SH3GL3: variants seen among roughly 807,000 people sequenced by gnomAD.
SH3GL3 encodes endophilin-A3.
SH3GL3 carries 33 observed loss-of-function variants against 47.7 expected under a neutral mutation model. That is an observed-to-expected ratio of 0.69 (90% CI 0.52 to 0.92). SH3GL3 has a LOEUF of 0.92. Ranked by LOEUF, SH3GL3 falls within the 40% of genes least tolerant of loss-of-function variation. The probability of loss-of-function intolerance (pLI) is 0.00; values close to 1 mark genes in which losing one functional copy is unlikely to be tolerated. For synonymous variants in SH3GL3, 155 were observed against 148.8 expected (o/e 1.04, Z -0.30); for missense variants, 363 against 417.8 (o/e 0.87, Z 1.14).
chr15:83,560,033 A>G (rs1273024205), intron 2 of SH3GL3, among the ~76,000 whole-genome samples: 1 of 152,224 alleles, frequency 6.6e-6, no homozygotes. Flanking sequence ...TGGAGGCAGA[A>G]CTAGAACCAC....
At chr15:83,582,487 C>A (rs1013880281) in intron 6 of SH3GL3, among the ~76,000 whole-genome samples, 7 of 152,016 alleles carry the variant, frequency 4.6e-5, no homozygotes, top group Admixed American at 1.3e-4. Flanking sequence ...TTTGGGAAAC[C>A]CTGGGTTAAA....
At chr15:83,490,888 T>C in intron 1 of SH3GL3, 2 of 1,614,174 alleles carry the variant, frequency 1.2e-6, no homozygotes, top group Non-Finnish European at 1.7e-6. Flanking sequence ...GTGCCTTACC[T>C]GGACCTCCCA....
At chr15:83,561,896 C>T (rs180915191) in intron 2 of SH3GL3, among the ~76,000 whole-genome samples, 1 of 152,244 alleles carries the variant, frequency 6.6e-6, no homozygotes, top group East Asian at 1.9e-4. Flanking sequence ...CCAGACTTAA[C>T]TAACCAAGAT....
intron 2 of SH3GL3, among the ~76,000 whole-genome samples, chr15:83,561,648 C>T (rs2045279491): frequency 6.6e-6 from 1 of 151,992 alleles, no homozygotes; most frequent in Non-Finnish European, 1.5e-5. Flanking sequence ...AGCTGTAAGA[C>T]AACAAACCTC....
the SH3GL3 span, among the ~76,000 whole-genome samples, chr15:83,626,709 G>A: frequency 6.6e-6 from 1 of 152,186 alleles, no homozygotes; most frequent in African/African-American, 2.4e-5. Flanking sequence ...ACTTGGTAGA[G>A]GCTCACAGTG....
chr15:83,604,654 T>C (rs2060470045), intron 8 of SH3GL3, among the ~76,000 whole-genome samples: 1 of 152,150 alleles, frequency 6.6e-6, no homozygotes, highest in South Asian at 2.1e-4. Flanking sequence ...ACTACACTTA[T>C]TGGCTACTTA....
At chr15:83,523,975 C>T (rs1439814313) in intron 1 of SH3GL3, among the ~76,000 whole-genome samples, 1 of 145,426 alleles carries the variant, frequency 6.9e-6, no homozygotes, top group East Asian at 2.0e-4. Flanking sequence ...AAACAGACAG[C>T]AAAAACCCAG....
chr15:83,487,150 G>C (rs1257754946), intron 1 of SH3GL3, among the ~76,000 whole-genome samples: 1 of 151,256 alleles, frequency 6.6e-6, no homozygotes, highest in Non-Finnish European at 1.5e-5. Flanking sequence ...GAGTGGAATT[G>C]CTGGGTTATT....
chr15:83,616,054 A>C (rs563098018), intron 8 of SH3GL3, among the ~76,000 whole-genome samples: 1 of 152,170 alleles, frequency 6.6e-6, no homozygotes, highest in Non-Finnish European at 1.5e-5. Flanking sequence ...GCCAGCACAA[A>C]CTTCAAAAAC....
chr15:83,546,203 T>C (rs2044386206), intron 1 of SH3GL3, among the ~76,000 whole-genome samples: 1 of 150,524 alleles, frequency 6.6e-6, no homozygotes, highest in Non-Finnish European at 1.5e-5. Flanking sequence ...GGAGTCTGCT[T>C]GATGCTTTAC....
chr15:83,602,146 G>A (rs2060401336), intron 8 of SH3GL3, among the ~76,000 whole-genome samples: 1 of 152,122 alleles, frequency 6.6e-6, no homozygotes, highest in Admixed American at 6.5e-5. Context: ...AGCAGGAAGG[G>A]GAGAAAGAAC....
chr15:83,549,037 G>A (rs1055584763), intron 1 of SH3GL3, among the ~76,000 whole-genome samples: 7 of 151,750 alleles, frequency 4.6e-5, no homozygotes, highest in Middle Eastern at 3.2e-3. Context: ...CTCAGTTGTC[G>A]TCTAATTGTT....
intron 1 of SH3GL3, among the ~76,000 whole-genome samples, chr15:83,537,178 G>A (rs1367030297): frequency 6.6e-6 from 1 of 152,078 alleles, no homozygotes; most frequent in Non-Finnish European, 1.5e-5. Flanking sequence ...TTTGCTCTTG[G>A]GCAGGGCTGC....
chr15:83,528,173 C>T (rs2043508020), intron 1 of SH3GL3, among the ~76,000 whole-genome samples: 1 of 152,090 alleles, frequency 6.6e-6, no homozygotes, highest in African/African-American at 2.4e-5. Context: ...TGCTATTAGT[C>T]TGATGGGGGG....
chr15:83,617,995 T>C, intron 8 of SH3GL3, 87 bp from the exon 9 acceptor site: 1 of 886,434 alleles, frequency 1.1e-6, no homozygotes. Context: ...CTGTTAAGGG[T>C]CTCTCTGAGC....
Position 83,489,135 on chromosome 15 carries a change from G to A in SH3GL3, c.45+41557G>A, listed in dbSNP as rs188022274. 30 of 152,270 alleles carry A rather than the reference G, an allele frequency of 2.0e-4. 1 individual carries two copies. Among genetic ancestry groups the A allele is most frequent in the Admixed American group, 1.6e-3 (25 of 15,296 alleles). 9.4% of individuals were successfully genotyped at this position (152,270 alleles called of 1,614,324 possible). On this transcript the variant is annotated intron_variant, in intron 1 of 8. Transcript: ENST00000427482. ...TGCTTTTCAGTTTATGGAAGGCTTC[G>A]TTTCTTCTGACGGCATTCTGACGGG...
chr15:83,471,048 G>A (rs2040809821), intron 1 of SH3GL3, among the ~76,000 whole-genome samples: 1 of 152,124 alleles, frequency 6.6e-6, no homozygotes, highest in African/African-American at 2.4e-5. Context: ...TTATGGAAAG[G>A]AGTCTATTAT....
At chr15:83,466,598 T>C (rs2040580864) in intron 1 of SH3GL3, among the ~76,000 whole-genome samples, 6 of 152,212 alleles carry the variant, frequency 3.9e-5, no homozygotes, top group Admixed American at 2.0e-4. Flanking sequence ...CATGCTACGC[T>C]GAATCTGTTT....
intron 5 of SH3GL3, among the ~76,000 whole-genome samples, chr15:83,574,302 A>G (rs2059613993): frequency 6.6e-6 from 1 of 152,096 alleles, no homozygotes; most frequent in Non-Finnish European, 1.5e-5. Context: ...GGAGCTCCCT[A>G]AACATCCCAT....
Sources: allele counts gnomAD v4.1 joint callset (sites outside exome capture counted in the v4.1 genomes callset), GRCh38; gene constraint gnomAD v4.1.1; transcripts MANE v1.5; gene names NCBI Gene and HGNC (gene_info 2026-07-23, HGNC 2026-07-21).